SUGCT: variants seen among roughly 807,000 people sequenced by gnomAD.
SUGCT encodes the protein succinyl-CoA:glutarate-CoA transferase.
A neutral mutation model predicts 55.0 loss-of-function variants in SUGCT; 41 were observed. The observed-to-expected ratio is 0.74, with a 90% CI of 0.58 to 0.97. The LOEUF (loss-of-function observed/expected upper bound fraction) is 0.97. Ranked by LOEUF, SUGCT falls within the 50% of genes least tolerant of loss-of-function variation. The pLI is 0.00. For missense variants in SUGCT, 568 were observed against 547.8 expected (o/e 1.04, Z -0.37); for synonymous variants, 187 against 200.4 (o/e 0.93, Z 0.56).
chr7:40,848,864 T>TATCACATCTA (rs1419094016), intron 13 of SUGCT, among the ~76,000 whole-genome samples: 2 of 152,228 alleles, frequency 1.3e-5, no homozygotes, highest in Non-Finnish European at 2.9e-5. Flanking sequence ...TCTGTTTTTA[T>TATCACATCTA]ATCACATCTA....
intron 9 of SUGCT, among the ~76,000 whole-genome samples, chr7:40,402,357 T>C (rs1341855614): frequency 6.6e-6 from 1 of 152,210 alleles, no homozygotes; most frequent in Non-Finnish European, 1.5e-5. Context: ...AGTTTATGGC[T>C]GACATAAAAA....
At chr7:40,789,005 G>A (rs1790179212) in intron 13 of SUGCT, among the ~76,000 whole-genome samples, 1 of 152,190 alleles carries the variant, frequency 6.6e-6, no homozygotes, top group Non-Finnish European at 1.5e-5. Flanking sequence ...AGGAGACAGG[G>A]ATTAAGACAT....
chr7:40,217,525 A>G (rs780142891), intron 6 of SUGCT: 11 of 394,634 alleles, frequency 2.8e-5, no homozygotes, highest in Admixed American at 1.1e-4. Flanking sequence ...TTCCTGAATT[A>G]TCGTTGTCTC....
At chr7:40,895,929 A>G in the SUGCT span, among the ~76,000 whole-genome samples, 2 of 152,192 alleles carry the variant, frequency 1.3e-5, no homozygotes, top group Non-Finnish European at 2.9e-5. Flanking sequence ...CTTTTCCCCT[A>G]GGATTGGAAT....
chr7:40,339,342 A>C (rs1041740411), intron 9 of SUGCT, among the ~76,000 whole-genome samples: 12 of 152,164 alleles, frequency 7.9e-5, no homozygotes, highest in African/African-American at 2.9e-4. Flanking sequence ...CTGCCCCCAG[A>C]GGTGGAGTCT....
At chr7:40,906,116 T>TACA in the SUGCT span, among the ~76,000 whole-genome samples, 4 of 152,074 alleles carry the variant, frequency 2.6e-5, no homozygotes, top group African/African-American at 7.2e-5. Context: ...TCCAGAGCTG[T>TACA]TTTTTGTTTT....
intron 9 of SUGCT, among the ~76,000 whole-genome samples, chr7:40,448,944 G>A (rs1789021237): frequency 2.7e-5 from 4 of 148,202 alleles, no homozygotes; most frequent in African/African-American, 1.0e-4. Context: ...GTGTGTGTGT[G>A]TGTGTGTATA....
intron 9 of SUGCT, among the ~76,000 whole-genome samples, chr7:40,319,059 C>G (rs576526412): frequency 8.5e-5 from 13 of 152,084 alleles, no homozygotes; most frequent in African/African-American, 2.4e-4. Flanking sequence ...CTCTTTCTCT[C>G]TGTGTGTGTA....
chr7:40,356,013 A>T (rs1385643298), intron 9 of SUGCT, among the ~76,000 whole-genome samples: 5 of 152,246 alleles, frequency 3.3e-5, no homozygotes, highest in African/African-American at 9.6e-5. Flanking sequence ...GTTAGGTGGA[A>T]ATTCCTCAGT....
At chr7:40,322,187 T>C (rs143233573) in intron 9 of SUGCT, among the ~76,000 whole-genome samples, 2 of 152,298 alleles carry the variant, frequency 1.3e-5, no homozygotes, top group Non-Finnish European at 2.9e-5. Flanking sequence ...CTTTGATTGT[T>C]ACCAGGGAGT....
At chr7:40,149,191 A>C (rs1166064900) in intron 1 of SUGCT, among the ~76,000 whole-genome samples, 1 of 152,182 alleles carries the variant, frequency 6.6e-6, no homozygotes, top group East Asian at 1.9e-4. Context: ...ACATTTAAAG[A>C]TTTAGAGATA....
intron 12 of SUGCT, among the ~76,000 whole-genome samples, chr7:40,730,509 T>C (rs1229614203): frequency 1.3e-5 from 2 of 152,254 alleles, no homozygotes; most frequent in African/African-American, 4.8e-5. Context: ...GTTGAGCTAA[T>C]TAATATCTGC....
At chr7:40,559,852 TCA>T (rs1400232388) in intron 12 of SUGCT, among the ~76,000 whole-genome samples, 40 of 152,202 alleles carry the variant, frequency 2.6e-4, no homozygotes, top group Non-Finnish European at 1.5e-4. Context: ...TTCACCACTG[TCA>T]CAGTTATTTC....
intron 12 of SUGCT, among the ~76,000 whole-genome samples, chr7:40,555,977 A>G (rs1483668955): frequency 6.6e-6 from 1 of 152,068 alleles, no homozygotes; most frequent in Non-Finnish European, 1.5e-5. Context: ...TATAATATTT[A>G]TCACCATGTA....
At chr7:40,731,546 T>A (rs1349080344) in intron 12 of SUGCT, among the ~76,000 whole-genome samples, 1 of 152,188 alleles carries the variant, frequency 6.6e-6, no homozygotes, top group Non-Finnish European at 1.5e-5. Flanking sequence ...AATAATTACA[T>A]CTTAGAAATG....
intron 12 of SUGCT, among the ~76,000 whole-genome samples, chr7:40,636,061 A>G (rs1393213975): frequency 2.0e-5 from 3 of 152,246 alleles, no homozygotes; most frequent in Non-Finnish European, 4.4e-5. Flanking sequence ...ACTGGTTGGT[A>G]TTCCAAATCT....
chr7:40,823,666 C>G (rs577316576), intron 13 of SUGCT, among the ~76,000 whole-genome samples: 56 of 152,196 alleles, frequency 3.7e-4, no homozygotes, highest in African/African-American at 1.3e-3. Flanking sequence ...TAAAAATTTT[C>G]ATTTACTTTT....
Position 40,135,117 on chromosome 7 carries a change from T to C in SUGCT, c.97T>C (p.Ser33Pro). 1 of 1,552,366 alleles carries C rather than the reference T, an allele frequency of 6.4e-7. No individual in the cohort carries two copies. The highest frequency in any genetic ancestry group is 8.7e-7 in the Non-Finnish European group (1 of 1,148,964). Residue 33 changes from serine to proline, a missense_variant, in exon 1 of 14, where the codon TCA (serine) becomes CCA (proline). Transcript: ENST00000335693. ...GRGLWTGRPQ[S>P]DMNNIKPLEG... ...GGGGCTGTGGACTGGCCGCCCGCAG[T>C]CAGGTACCCTCCGAGATTCGGTCTG... is the stretch of plus-strand genomic sequence containing the variant.
chr7:40,958,742 A>G, the SUGCT span, among the ~76,000 whole-genome samples: 1 of 151,990 alleles, frequency 6.6e-6, no homozygotes, highest in Non-Finnish European at 1.5e-5. Flanking sequence ...GAGAGGAGGC[A>G]TTCTGGTTTT....
Sources: allele counts gnomAD v4.1 joint callset (sites outside exome capture counted in the v4.1 genomes callset), GRCh38; gene constraint gnomAD v4.1.1; transcripts MANE v1.5; gene names NCBI Gene and HGNC (gene_info 2026-07-23, HGNC 2026-07-21).